KBTBD11: variants seen among roughly 807,000 people sequenced by gnomAD.
The protein encoded by KBTBD11 is kelch repeat and BTB domain-containing protein 11.
For missense variants in KBTBD11, 1,390 were observed against 1,001.8 expected, an observed-to-expected ratio of 1.39 and a Z score of -5.23; for synonymous variants, 747 against 499.0, an observed-to-expected ratio of 1.50 and a Z score of -6.63.
chr8:1,990,296 G>A (rs1816865225), intron 1 of KBTBD11, among the ~76,000 whole-genome samples: 1 of 147,934 alleles, frequency 6.8e-6, no homozygotes, highest in African/African-American at 2.5e-5. Context: ...GGGCCTTGGT[G>A]CCCTGTCCGG....
Position 2,004,513 on chromosome 8 carries a change from C to G in KBTBD11, c.*1449C>G, listed in dbSNP as rs1020348802. On this transcript the variant is annotated 3_prime_UTR_variant, in exon 2 of 2. Transcript: ENST00000320248. ...AATCCAGTAATGGGAACTGCCATCTCTGTAGAAATCAGTGGGTAATTGAAA... is the reference window on the plus strand; with the variant it reads ...AATCCAGTAATGGGAACTGCCATCTGTGTAGAAATCAGTGGGTAATTGAAA... The G allele has an allele frequency of 2.4e-5, 4 of 167,100 alleles. No homozygotes were observed. The highest frequency in any genetic ancestry group is 9.6e-5 in the African/African-American group (4 of 41,458). 10.4% of individuals were successfully genotyped at this position (167,100 alleles called of 1,614,324 possible). A position where few individuals can be genotyped will look rare whatever the true frequency, so the allele number is the denominator to read the frequency against.
intron 1 of KBTBD11, chr8:1,974,616 C>A: frequency 3.0e-6 from 3 of 985,326 alleles, no homozygotes; most frequent in Non-Finnish European, 3.6e-6. Flanking sequence ...CCCGCCCCAC[C>A]GCGCCGCGGC....
In KBTBD11 at chr8:2,000,861, T is replaced by C; in HGVS notation, c.-332T>C. On this transcript the variant is annotated 5_prime_UTR_variant, in exon 2 of 2. Transcript: ENST00000320248. ...AGTCAACTGCAGCTCCAGTCATTGC[T>C]GGATGTTGGCTGACGCGGTCCTGGC... 3.5e-6 allele frequency: 1 copy of C among 288,600 alleles called. No individual in the cohort carries two copies. Among genetic ancestry groups the C allele is most frequent in the Non-Finnish European group, 6.4e-6 (1 of 155,890 alleles). The allele number at this position is 288,600 out of a possible 1,614,324, so 17.9% of individuals were successfully genotyped here. A position where few individuals can be genotyped will look rare whatever the true frequency, so the allele number is the denominator to read the frequency against.
chr8:1,992,038 A>G (rs1377252430), intron 1 of KBTBD11, among the ~76,000 whole-genome samples: 4 of 152,098 alleles, frequency 2.6e-5, no homozygotes, highest in Non-Finnish European at 5.9e-5. Flanking sequence ...AGGAACGTCT[A>G]ACTTTCAAAC....
intron 1 of KBTBD11, among the ~76,000 whole-genome samples, chr8:1,997,508 C>T (rs1346223388): frequency 1.3e-5 from 2 of 152,250 alleles, no homozygotes; most frequent in East Asian, 3.8e-4. Context: ...ACACCACGTC[C>T]ATTCTGCAGG....
intron 1 of KBTBD11, among the ~76,000 whole-genome samples, chr8:1,991,243 A>G (rs889920583): frequency 6.6e-6 from 1 of 152,256 alleles, no homozygotes; most frequent in African/African-American, 2.4e-5. Context: ...TTGCTAGGGC[A>G]GCGGCTGCAC....
Position 2,001,876 on chromosome 8 carries a change from G to T in KBTBD11, c.684G>T (p.Gly228=). 1.5e-6 allele frequency: 2 copies of T among 1,348,082 alleles called. No homozygotes were observed. The highest frequency in any genetic ancestry group is 3.6e-5 in the East Asian group (1 of 27,472). The allele number at this position is 1,348,082 out of a possible 1,614,324, so 83.5% of individuals were successfully genotyped here. ...GAAQRATDAV[G]PQLSLANCYE... is the part of the protein sequence containing the mutation. ...CGCAGCGCGCCACCGACGCCGTGGG[G>T]CCGCAGCTGAGCCTGGCCAACTGCT... The change falls in exon 2 of 2, where the codon GGG becomes GGT. Residue 228 remains glycine (G), a synonymous_variant. Transcript: ENST00000320248.
chr8:1,976,335 G>A (rs1273466225), intron 1 of KBTBD11: 1 of 152,018 alleles, frequency 6.6e-6, no homozygotes, highest in Admixed American at 6.6e-5. Flanking sequence ...AAAGTATAGT[G>A]TTGGTATCCA....
In KBTBD11 at chr8:2,002,518, C is replaced by T. The variant is rs1331529027; in HGVS notation, c.1326C>T (p.Pro442=). ...GCTGGGCCCCCGTGGCGCCGCTGCCCCGGGGCGCCTTCGCCGTGGCGCATG... is the reference window on the plus strand; with the variant it reads ...GCTGGGCCCCCGTGGCGCCGCTGCCTCGGGGCGCCTTCGCCGTGGCGCATG... ...ADRWAPVAPL[P]RGAFAVAHEA... is the part of the protein sequence containing the mutation. The change falls in exon 2 of 2, where the codon CCC becomes CCT. Residue 442 remains proline (P), a synonymous_variant. Transcript: ENST00000320248. The surrounding 1 kb of genome is among the most constrained non-coding windows in gnomAD (Gnocchi z 4.1). 1.3e-6 allele frequency: 2 copies of T among 1,527,196 alleles called. No homozygotes were observed. The highest frequency in any genetic ancestry group is 1.7e-6 in the Non-Finnish European group (2 of 1,147,696). 94.6% of individuals were successfully genotyped at this position (1,527,196 alleles called of 1,614,324 possible). A position where few individuals can be genotyped will look rare whatever the true frequency, so the allele number is the denominator to read the frequency against.
intron 1 of KBTBD11, among the ~76,000 whole-genome samples, chr8:1,978,119 C>A (rs1816412461): frequency 6.6e-6 from 1 of 152,196 alleles, no homozygotes; most frequent in South Asian, 2.1e-4. Context: ...TTAAGCCCAG[C>A]AGGCATTAGC....
In KBTBD11 at chr8:2,001,451, T is replaced by G. The variant is rs1817350083; in HGVS notation, c.259T>G (p.Ser87Ala). 7.4e-7 allele frequency: 1 copy of G among 1,355,902 alleles called. No individual in the cohort carries two copies. The highest frequency in any genetic ancestry group is 1.8e-5 in the South Asian group (1 of 55,158). The allele number at this position is 1,355,902 out of a possible 1,614,324, so 84.0% of individuals were successfully genotyped here. The part of the protein sequence containing the change: ...QWEAGSAGAA[S>A]PEELASPEER... Reference sequence around the variant, plus strand: ...GGAGGCCGGCAGCGCGGGCGCCGCGTCCCCGGAGGAGCTCGCGTCCCCTGA... The same window carrying G: ...GGAGGCCGGCAGCGCGGGCGCCGCGGCCCCGGAGGAGCTCGCGTCCCCTGA... Residue 87 changes from serine to alanine, a missense_variant, in exon 2 of 2, where the codon TCC becomes GCC. Physicochemically the swap from Ser to Ala is moderately conservative, Grantham distance 99. Transcript: ENST00000320248.
rs1315801167 is a variant in KBTBD11, at chr8:2,003,100, G to T, written c.*36G>T. On this transcript the variant is annotated 3_prime_UTR_variant, in exon 2 of 2. Coordinates refer to ENST00000320248, the MANE Select transcript of KBTBD11 (RefSeq NM_014867.3). ...TCGGCGGGCGTCTCCCTCGGCAGGG[G>T]TTTGCGGGGCCCAGGTCCCTTTGGG... 3 of 1,258,318 alleles carry T rather than the reference G, an allele frequency of 2.4e-6. No individual in the cohort carries two copies. Among genetic ancestry groups the T allele is most frequent in the African/African-American group, 1.6e-5 (1 of 64,404 alleles). The allele number at this position is 1,258,318 out of a possible 1,614,324, so 77.9% of individuals were successfully genotyped here. A position where few individuals can be genotyped will look rare whatever the true frequency, so the allele number is the denominator to read the frequency against.
intron 1 of KBTBD11, among the ~76,000 whole-genome samples, chr8:1,990,394 G>T (rs1288390379): frequency 7.0e-6 from 1 of 141,948 alleles, no homozygotes; most frequent in Non-Finnish European, 1.5e-5. Context: ...TTGGCGCCCT[G>T]TCCGGGTAGG....
chr8:1,980,887 G>A (rs1816518834), intron 1 of KBTBD11, among the ~76,000 whole-genome samples: 1 of 152,238 alleles, frequency 6.6e-6, no homozygotes, highest in South Asian at 2.1e-4. Flanking sequence ...CCTGCTTGTT[G>A]CATGGGCTGA....
chr8:1,982,738 C>G (rs1375423948), intron 1 of KBTBD11, among the ~76,000 whole-genome samples: 1 of 150,670 alleles, frequency 6.6e-6, no homozygotes, highest in African/African-American at 2.5e-5. Context: ...GTATGAGTTG[C>G]TGAGCACTTT....
In KBTBD11 at chr8:2,002,240, C is replaced by G. The variant is rs2129316731; in HGVS notation, c.1048C>G (p.Arg350Gly). The G allele has an allele frequency of 1.6e-6, 2 of 1,263,110 alleles. No individual in the cohort carries two copies. The highest frequency in any genetic ancestry group is 5.2e-5 in the South Asian group (2 of 38,806). 78.2% of individuals were successfully genotyped at this position (1,263,110 alleles called of 1,614,324 possible). Residue 350 changes from arginine to glycine, a missense_variant, in exon 2 of 2, where the codon CGG (arginine) becomes GGG (glycine). Arg to Gly is a moderately radical substitution (Grantham distance 125, BLOSUM62 -2). Coordinates refer to ENST00000320248, the MANE Select transcript of KBTBD11 (RefSeq NM_014867.3). The surrounding 1 kb of genome is among the most constrained non-coding windows in gnomAD (Gnocchi z 4.1). ...LTRLPEGAPA[R>G]GCGLCVLYNY... ...GCGGCTGCCCGAGGGCGCGCCGGCG[C>G]GGGGCTGCGGCCTGTGCGTCCTCTA...
rs1323754217 is a variant in KBTBD11 at position 2,002,558 on chromosome 8, C to A, written c.1366C>A (p.His456Asn). The A allele has an allele frequency of 6.3e-7, 1 of 1,576,136 alleles. No homozygotes were observed. Among genetic ancestry groups the A allele is most frequent in the Admixed American group, 1.7e-5 (1 of 57,526 alleles). ...FAVAHEATTC[H>N]GEIYVSGGSL... Reference sequence around the variant, plus strand: ...CGTGGCGCATGAGGCCACCACCTGCCACGGCGAGATCTACGTGTCCGGGGG... The same window carrying A: ...CGTGGCGCATGAGGCCACCACCTGCAACGGCGAGATCTACGTGTCCGGGGG... The change falls in exon 2 of 2, where the codon CAC becomes AAC. Residue 456 changes from histidine to asparagine, a missense_variant. Physicochemically the swap from His to Asn is moderately conservative, Grantham distance 68. Coordinates refer to ENST00000320248, the MANE Select transcript of KBTBD11 (RefSeq NM_014867.3). The surrounding 1 kb of genome is among the most constrained non-coding windows in gnomAD (Gnocchi z 4.1).
Position 2,001,222 on chromosome 8 carries a change from C to T in KBTBD11, c.30C>T (p.Leu10=). The change falls in exon 2 of 2, where the codon CTC becomes CTT. Residue 10 remains leucine (L), a synonymous_variant. Coordinates refer to ENST00000320248, the MANE Select transcript of KBTBD11 (RefSeq NM_014867.3). The part of the protein sequence containing the change: MEHAVAPCV[L]YPGTEPGAAG... ...AGCACGCGGTGGCCCCCTGCGTCCTCTACCCAGGGACTGAGCCCGGGGCTG... is the reference window on the plus strand; with the variant it reads ...AGCACGCGGTGGCCCCCTGCGTCCTTTACCCAGGGACTGAGCCCGGGGCTG... The T allele has an allele frequency of 1.4e-6, 2 of 1,426,154 alleles. No homozygotes were observed. Among genetic ancestry groups the T allele is most frequent in the Middle Eastern group, 2.2e-4 (1 of 4,462 alleles). 88.3% of individuals were successfully genotyped at this position (1,426,154 alleles called of 1,614,324 possible).
At chr8:1,979,942 G>C (rs1430285513) in intron 1 of KBTBD11, among the ~76,000 whole-genome samples, 1 of 152,208 alleles carries the variant, frequency 6.6e-6, no homozygotes, top group Non-Finnish European at 1.5e-5. Context: ...CAGCTGAGAG[G>C]TTTTCTTGCA....
Sources: allele counts gnomAD v4.1 joint callset (sites outside exome capture counted in the v4.1 genomes callset), GRCh38; gene constraint gnomAD v4.1.1; non-coding constraint Gnocchi (gnomAD v3.1); transcripts MANE v1.5; gene names NCBI Gene and HGNC (gene_info 2026-07-23, HGNC 2026-07-21).